INSR: variants seen among roughly 807,000 people sequenced by gnomAD.
The protein encoded by INSR is insulin receptor.
INSR carries 67 observed loss-of-function variants against 142.6 expected under a neutral mutation model. That is an observed-to-expected ratio of 0.47 (90% CI 0.39 to 0.58). The LOEUF (loss-of-function observed/expected upper bound fraction) is 0.58, where lower values mean the gene tolerates loss of function less well. INSR is among the 20% of genes least tolerant of loss of function. The pLI, the probability that INSR is intolerant of heterozygous loss-of-function variation, is 0.00. For synonymous variants in INSR, 756 were observed against 743.1 expected (o/e 1.02, Z -0.28); for missense variants, 1,248 against 1,833.2 (o/e 0.68, Z 5.83).
chr19:7,183,201 G>A (rs1393080634), intron 3 of INSR, among the ~76,000 whole-genome samples: 1 of 151,956 alleles, frequency 6.6e-6, no homozygotes, highest in African/African-American at 2.4e-5. Flanking sequence ...CTTTACGTAA[G>A]CAGGTCAGCT....
intron 6 of INSR, among the ~76,000 whole-genome samples, chr19:7,170,095 G>A (rs1030040652): frequency 6.6e-6 from 1 of 152,124 alleles, no homozygotes; most frequent in South Asian, 2.1e-4. Flanking sequence ...AGGTGAGCAA[G>A]TGAAGCTTCA....
chr19:7,163,169 A>G lies in INSR; in HGVS notation c.1892T>C (p.Val631Ala), dbSNP rs1973801314. 1 of 1,613,658 alleles carries G rather than the reference A, an allele frequency of 6.2e-7. No homozygotes were observed. Among genetic ancestry groups the G allele is most frequent in the Non-Finnish European group, 8.5e-7 (1 of 1,179,798 alleles). Reference protein sequence around the residue: ...NPSVPLDPISVSNSSSQIILK... With the variant: ...NPSVPLDPISASNSSSQIILK... The stretch of plus-strand genomic sequence containing the variant: ...AATAATCTGGGATGATGAGTTAGAC[A>G]CTGAGATTGGATCCAGGGGCACAGA... The change falls in exon 9 of 22, where the codon GTG becomes GCG. Residue 631 changes from valine (V) to alanine (A), a missense_variant. This residue lies in a region of INSR where 1,069 missense variants were observed against 1,654.0 expected (regional missense o/e 0.65). Coordinates refer to ENST00000302850, the MANE Select transcript of INSR (RefSeq NM_000208.4).
rs751250780 is a variant in INSR at position 7,267,556 on chromosome 19, C to T, written c.441G>A (p.Glu147=). The change falls in exon 2 of 22, where the codon GAG becomes GAA. Residue 147 remains glutamate, a synonymous_variant. Transcript: ENST00000302850. This position sits in a 1 kb window ranked among gnomAD's most constrained non-coding sequence, Gnocchi z 6.3. ...CCAAGTAACAGAGCTCATTGTTCTT[C>T]TCGATGCGGACAGAACCCCGGGTGA... ...MNITRGSVRI[E]KNNELCYLAT... 3.7e-6 allele frequency: 6 copies of T among 1,614,114 alleles called. No individual in the cohort carries two copies. Among genetic ancestry groups the T allele is most frequent in the Non-Finnish European group, 5.1e-6 (6 of 1,180,030 alleles).
At chr19:7,208,710 G>A (rs1975186821) in intron 2 of INSR, among the ~76,000 whole-genome samples, 1 of 151,778 alleles carries the variant, frequency 6.6e-6, no homozygotes, top group Admixed American at 6.6e-5. Flanking sequence ...TCTCGGCTAG[G>A]GGTACAAAAA....
At chr19:7,246,662 T>G (rs73920344) in intron 2 of INSR, among the ~76,000 whole-genome samples, 1 of 152,140 alleles carries the variant, frequency 6.6e-6, no homozygotes, top group Non-Finnish European at 1.5e-5. Flanking sequence ...AGTTCCATGA[T>G]TGAACGTGGA....
chr19:7,194,676 TG>T (rs1974697290), intron 2 of INSR, among the ~76,000 whole-genome samples: 1 of 102,538 alleles, frequency 9.8e-6, no homozygotes, highest in Non-Finnish European at 1.9e-5. Context: ...CCACACCAAC[TG>T]ATTTTTTTTT....
chr19:7,288,930 A>G (rs561365657), intron 1 of INSR, among the ~76,000 whole-genome samples: 1 of 140,094 alleles, frequency 7.1e-6, no homozygotes, highest in East Asian at 2.1e-4. Flanking sequence ...GCCATTGCAC[A>G]CCAGCCCGGG....
chr19:7,244,147 A>C (rs1439097248), intron 2 of INSR, among the ~76,000 whole-genome samples: 1 of 152,242 alleles, frequency 6.6e-6, no homozygotes, highest in Non-Finnish European at 1.5e-5. Context: ...AGTAGCCATA[A>C]CTAACACAAC....
intron 2 of INSR, among the ~76,000 whole-genome samples, chr19:7,252,745 C>T (rs4247374): frequency 0.096 from 14,589 of 152,150 alleles, 976 homozygotes; most frequent in Non-Finnish European, 0.14. Flanking sequence ...GGGCTACACT[C>T]AATAAGCCAT....
At chr19:7,126,550 T>A (rs757979043) in intron 16 of INSR, 34 bp downstream of exon 16, 22 of 1,533,528 alleles carry the variant, frequency 1.4e-5, no homozygotes, top group Non-Finnish European at 1.9e-5. Context: ...ATGAGTAGGG[T>A]TCTGGCCACC....
At chr19:7,139,015 A>G (rs570566186) in intron 13 of INSR, among the ~76,000 whole-genome samples, 5 of 152,300 alleles carry the variant, frequency 3.3e-5, no homozygotes, top group African/African-American at 1.2e-4. Context: ...CCATGGGCTC[A>G]CTTTGCCAAA....
At chr19:7,287,349 T>TG (rs1968371344) in intron 1 of INSR, among the ~76,000 whole-genome samples, 1 of 151,758 alleles carries the variant, frequency 6.6e-6, no homozygotes, top group South Asian at 2.1e-4. Context: ...TCAGTAAAGA[T>TG]GGGGTTTCAC....
At chr19:7,240,276 A>G (rs1976299057) in intron 2 of INSR, among the ~76,000 whole-genome samples, 1 of 152,232 alleles carries the variant, frequency 6.6e-6, no homozygotes, top group African/African-American at 2.4e-5. Context: ...TTATTACAGC[A>G]GCGAAAGATT....
chr19:7,129,039 G>T lies in INSR; in HGVS notation c.2843-85C>A. On this transcript the variant is annotated intron_variant, in intron 14 of 21. Coordinates refer to ENST00000302850, the MANE Select transcript of INSR (RefSeq NM_000208.4). ...CAAAAATCACATCCACTCCTGGAAT[G>T]GGTGGGCCACCCTGTTCCTTCCCTC... 3.8e-6 allele frequency: 4 copies of T among 1,058,018 alleles called. No individual in the cohort carries two copies. In the South Asian group the frequency reaches 5.1e-5, roughly 14 times the overall value. The allele number at this position is 1,058,018 out of a possible 1,614,324, so 65.5% of individuals were successfully genotyped here. A position where few individuals can be genotyped will look rare whatever the true frequency, so the allele number is the denominator to read the frequency against.
intron 13 of INSR, 56 bp downstream of exon 13, chr19:7,141,621 C>T: frequency 6.2e-7 from 1 of 1,610,346 alleles, no homozygotes; most frequent in East Asian, 2.2e-5. Flanking sequence ...CCAAGTGCAA[C>T]TCTGAAGGGG....
rs9676819 is a variant in INSR at position 7,168,075 on chromosome 19, T to C, written c.1503A>G (p.Lys501=). Residue 501 remains lysine, a synonymous_variant, in exon 7 of 22, where the codon AAA becomes AAG. Coordinates refer to ENST00000302850, the MANE Select transcript of INSR (RefSeq NM_000208.4). This position sits in a 1 kb window ranked among gnomAD's most constrained non-coding sequence, Gnocchi z 4.3. The part of the protein sequence containing the change: ...DQASCENELL[K]FSYIRTSFDK... ...CAAAAGATGTCCGAATGTAAGAAAA[T>C]TTAAGTAACTCATTTTCACCTGGAA... 8.2e-5 allele frequency: 133 copies of C among 1,613,896 alleles called. 3 individuals are homozygous for C. The African/African-American group carries it at 1.4e-3, about 17-fold the overall frequency.
At chr19:7,180,983 G>A (rs930039331) in intron 3 of INSR, among the ~76,000 whole-genome samples, 3 of 151,948 alleles carry the variant, frequency 2.0e-5, no homozygotes, top group African/African-American at 4.8e-5. Flanking sequence ...CTCTGTCACC[G>A]AGACTGCAGT....
At chr19:7,124,199 T>TA (rs968729026) in intron 17 of INSR, among the ~76,000 whole-genome samples, 17 of 150,776 alleles carry the variant, frequency 1.1e-4, no homozygotes, top group African/African-American at 2.9e-4. Context: ...CCGTCTCTAA[T>TA]AAAAAAAAGT....
In INSR at chr19:7,197,277, G is replaced by C. The variant is rs1044314632; in HGVS notation, c.653-12640C>G. Among the ~76,000 whole-genome samples, 4 of 152,348 alleles carry C rather than the reference G, an allele frequency of 2.6e-5. No homozygotes were observed. In the East Asian group the frequency reaches 7.7e-4, roughly 29 times the overall value. On this transcript the variant is annotated intron_variant, in intron 2 of 21. Transcript: ENST00000302850. The stretch of plus-strand genomic sequence containing the variant: ...CTAGAAAGGGAACAGAGTACCAGAG[G>C]GCCTTCCCGCTTCGGGAGCCGCAGG...
Sources: allele counts gnomAD v4.1 joint callset (sites outside exome capture counted in the v4.1 genomes callset), GRCh38; gene constraint gnomAD v4.1.1; regional missense constraint gnomAD v4.1.1; non-coding constraint Gnocchi (gnomAD v3.1); transcripts MANE v1.5; gene names NCBI Gene and HGNC (gene_info 2026-07-23, HGNC 2026-07-21).